The following NLGN1 variants were observed in gnomAD, a reference collection of about 807,000 sequenced individuals.
NLGN1 encodes the protein neuroligin-1.
In NLGN1, 12 loss-of-function variants were observed where a neutral mutation model predicts 65.5. The ratio of observed to expected loss-of-function variants is 0.18; its 90% CI spans 0.12 to 0.30. The LOEUF is 0.30. NLGN1 is among the 10% of genes least tolerant of loss of function. The pLI, the probability that NLGN1 is intolerant of heterozygous loss-of-function variation, is 1.00. For synonymous variants in NLGN1, 350 were observed against 359.5 expected (o/e 0.97, Z 0.30); for missense variants, 750 against 1,007.1 (o/e 0.74, Z 3.46).
At chr3:174,076,781 A>T (rs1273088156) in intron 4 of NLGN1, among the ~76,000 whole-genome samples, 3 of 111,028 alleles carry the variant, frequency 2.7e-5, no homozygotes, top group African/African-American at 1.0e-4. Flanking sequence ...ACATGTGTGT[A>T]TGTACATATG....
intron 3 of NLGN1, among the ~76,000 whole-genome samples, chr3:173,663,501 T>C (rs1038609425): frequency 6.6e-6 from 1 of 152,016 alleles, no homozygotes. Context: ...AAACACATTT[T>C]ATGCTGTAAA....
chr3:173,500,780 A>T lies in NLGN1; in HGVS notation c.-321+65702A>T, dbSNP rs144719188. ...TTATTTTCACAGAGATACCTTCTCCAACTCCTCAGCATGGGTTTAGTCCCC... is the reference window on the plus strand; with the variant it reads ...TTATTTTCACAGAGATACCTTCTCCTACTCCTCAGCATGGGTTTAGTCCCC... On this transcript the variant is annotated intron_variant, in intron 2 of 6. Coordinates refer to ENST00000457714, the Ensembl canonical transcript of NLGN1. Among the ~76,000 whole-genome samples the T allele has an allele frequency of 8.9e-3, 1,352 of 152,122 alleles. 24 individuals are homozygous for T. Among genetic ancestry groups the T allele is most frequent in the African/African-American group, 0.031 (1,302 of 41,518 alleles).
chr3:173,647,689 T>A (rs1479385223), intron 3 of NLGN1, among the ~76,000 whole-genome samples: 5 of 152,028 alleles, frequency 3.3e-5, no homozygotes, highest in Admixed American at 3.3e-4. Context: ...AAGGTAAAAT[T>A]TATATACTAA....
At chr3:174,143,961 G>A (rs186672289) in intron 4 of NLGN1, among the ~76,000 whole-genome samples, 58 of 152,146 alleles carry the variant, frequency 3.8e-4, no homozygotes, top group Admixed American at 3.3e-3. Flanking sequence ...TACATGTACA[G>A]AGCATGCAGG....
intron 5 of NLGN1, among the ~76,000 whole-genome samples, chr3:174,276,157 T>TAA (rs1561455141): frequency 1.3e-5 from 2 of 151,864 alleles, no homozygotes; most frequent in Non-Finnish European, 2.9e-5. Flanking sequence ...TTTTTCCCCC[T>TAA]AAACTTGGCA....
chr3:173,907,339 C>A (rs972884851), intron 4 of NLGN1, among the ~76,000 whole-genome samples: 11 of 152,114 alleles, frequency 7.2e-5, no homozygotes, highest in African/African-American at 2.7e-4. Flanking sequence ...CTTAAAATAC[C>A]TACCTATAGC....
chr3:174,266,030 G>GTT (rs1456249761), intron 4 of NLGN1, among the ~76,000 whole-genome samples: 1 of 126,710 alleles, frequency 7.9e-6, no homozygotes, highest in Non-Finnish European at 1.6e-5. Context: ...ATGTGTGTGT[G>GTT]TGTATATATA....
chr3:174,139,346 A>G (rs1396020699), intron 4 of NLGN1, among the ~76,000 whole-genome samples: 1 of 152,126 alleles, frequency 6.6e-6, no homozygotes, highest in Non-Finnish European at 1.5e-5. Flanking sequence ...CCAGGAAGAC[A>G]TATAATTGGA....
intron 4 of NLGN1, among the ~76,000 whole-genome samples, chr3:174,171,777 G>A (rs1284342540): frequency 1.3e-5 from 2 of 151,916 alleles, no homozygotes; most frequent in Non-Finnish European, 1.5e-5. Flanking sequence ...ACAGTCCCAC[G>A]ACCTTTTCCT....
intron 3 of NLGN1, among the ~76,000 whole-genome samples, chr3:173,670,095 A>G (rs1253592465): frequency 6.6e-6 from 1 of 152,158 alleles, no homozygotes; most frequent in East Asian, 1.9e-4. Flanking sequence ...AAATAGGGAG[A>G]AAGCAGATAA....
Position 173,694,552 on chromosome 3 carries a change from TTTTG to T in NLGN1, c.493+89471_493+89474del, listed in dbSNP as rs1202071688. Among the ~76,000 whole-genome samples, 4 of 152,170 alleles carry T rather than the reference TTTTG, an allele frequency of 2.6e-5. No homozygotes were observed. In the East Asian group the frequency reaches 7.7e-4, roughly 29 times the overall value. On this transcript the variant is annotated intron_variant, in intron 3 of 6. Transcript: ENST00000457714. Reference sequence around the variant, plus strand: ...TAAAAAGAAGCAAAACTGAATAAGATTTTGTTTGTTTGTCAGAATGTACAGTAGG... The same window carrying T: ...TAAAAAGAAGCAAAACTGAATAAGATTTTGTTTGTCAGAATGTACAGTAGG...
intron 4 of NLGN1, among the ~76,000 whole-genome samples, chr3:174,064,548 G>A (rs1248115274): frequency 1.3e-5 from 2 of 150,408 alleles, no homozygotes; most frequent in South Asian, 2.1e-4. Context: ...TAATTACAAT[G>A]CTTATTAATT....
chr3:173,720,160 T>G (rs1266779492), intron 3 of NLGN1, among the ~76,000 whole-genome samples: 2 of 152,016 alleles, frequency 1.3e-5, no homozygotes, highest in Admixed American at 6.6e-5. Flanking sequence ...AATGCTGATT[T>G]CTGAGTCACG....
chr3:173,402,685 C>T (rs1459697990), intron 1 of NLGN1, among the ~76,000 whole-genome samples: 1 of 152,124 alleles, frequency 6.6e-6, no homozygotes, highest in African/African-American at 2.4e-5. Context: ...CATAGCCCCA[C>T]TCAAAGCAGA....
intron 1 of NLGN1, among the ~76,000 whole-genome samples, chr3:173,399,090 G>A (rs903721647): frequency 2.6e-5 from 4 of 152,182 alleles, no homozygotes; most frequent in Non-Finnish European, 4.4e-5. Context: ...AATGTTAAAT[G>A]CAAAAACATT....
At chr3:173,901,994 T>C (rs1174993780) in intron 4 of NLGN1, among the ~76,000 whole-genome samples, 1 of 152,130 alleles carries the variant, frequency 6.6e-6, no homozygotes, top group Non-Finnish European at 1.5e-5. Flanking sequence ...TATTGGATCT[T>C]CTGATGTGGA....
At chr3:173,750,930 C>T in intron 3 of NLGN1, among the ~76,000 whole-genome samples, 1 of 152,074 alleles carries the variant, frequency 6.6e-6, no homozygotes, top group East Asian at 1.9e-4. Flanking sequence ...GTAGAAAGAA[C>T]AGTGCTTTAG....
chr3:173,576,476 G>C (rs954915960), intron 2 of NLGN1, among the ~76,000 whole-genome samples: 1 of 152,052 alleles, frequency 6.6e-6, no homozygotes, highest in Non-Finnish European at 1.5e-5. Flanking sequence ...CCGTTTTCTT[G>C]CCTAGAGACC....
At chr3:174,261,292 C>T (rs536778596) in intron 4 of NLGN1, among the ~76,000 whole-genome samples, 4 of 148,970 alleles carry the variant, frequency 2.7e-5, no homozygotes, top group South Asian at 2.2e-4. Flanking sequence ...GCCATTTTCA[C>T]GATATTGATT....
Sources: allele counts gnomAD v4.1 joint callset (sites outside exome capture counted in the v4.1 genomes callset), GRCh38; gene constraint gnomAD v4.1.1; transcripts MANE v1.5; gene names NCBI Gene and HGNC (gene_info 2026-07-23, HGNC 2026-07-21).